The following ATP6V0A2 variants were observed in gnomAD, a reference collection of about 807,000 sequenced individuals.
ATP6V0A2 encodes the protein V-type proton ATPase 116 kDa subunit a 2.
In ATP6V0A2, 58 loss-of-function variants were observed where a neutral mutation model predicts 104.4. That is an observed-to-expected ratio of 0.56 (90% CI 0.45 to 0.69). The LOEUF (loss-of-function observed/expected upper bound fraction) is 0.69, where lower values mean the gene tolerates loss of function less well. ATP6V0A2 is among the 30% of genes least tolerant of loss of function. The pLI is 0.00. For synonymous variants in ATP6V0A2, 376 were observed against 397.9 expected (o/e 0.95, Z 0.65); for missense variants, 938 against 1,062.9 (o/e 0.88, Z 1.63).
chr12:123,721,572 G>A lies in ATP6V0A2; in HGVS notation c.197-779G>A, dbSNP rs532127128. The A allele has an allele frequency of 1.5e-5, 3 of 206,740 alleles. No homozygotes were observed. The East Asian group carries it at 3.3e-4, about 23-fold the overall frequency. 12.8% of individuals were successfully genotyped at this position (206,740 alleles called of 1,614,324 possible). A position where few individuals can be genotyped will look rare whatever the true frequency, so the allele number is the denominator to read the frequency against. On this transcript the variant is annotated intron_variant, in intron 2 of 19. Coordinates refer to ENST00000330342, the MANE Select transcript of ATP6V0A2 (RefSeq NM_012463.4). The stretch of plus-strand genomic sequence containing the variant: ...TCATCAGTTTTCTTCATGAGGATTG[G>A]CTTTGTGTCCAGAGTAGTGTCCGGC...
Position 123,743,867 on chromosome 12 carries a change from A to G in ATP6V0A2, c.1121A>G (p.Lys374Arg), listed in dbSNP as rs79134187. Residue 374 changes from lysine (K) to arginine (R), a missense_variant, in exon 10 of 20, where the codon AAA becomes AGA. By Grantham distance (26) the Lys-to-Arg change is conservative. Transcript: ENST00000330342. ...CCCCCCACTCGGATCCGCACCAACAAATTCACCGAGGGATTTCAGAACATC... is the reference window on the plus strand; with the variant it reads ...CCCCCCACTCGGATCCGCACCAACAGATTCACCGAGGGATTTCAGAACATC... ...ETPPTRIRTN[K>R]FTEGFQNIVD... is the part of the protein sequence containing the mutation. 5.9e-3 allele frequency: 9,592 copies of G among 1,614,174 alleles called. 238 individuals carry two copies. Among genetic ancestry groups the G allele is most frequent in the African/African-American group, 0.056 (4,212 of 75,032 alleles).
chr12:123,726,202 A>T lies in ATP6V0A2; in HGVS notation c.438A>T (p.Glu146Asp), dbSNP rs773668656. Residue 146 changes from glutamate (E) to aspartate (D), a missense_variant, in exon 5 of 20, where the codon GAA (glutamate) becomes GAT (aspartate). Physicochemically the swap from Glu to Asp is conservative, Grantham distance 45. Transcript: ENST00000330342. ...TTTCATATGTTTATTTCTAGTTTGA[A>T]CCCACTTATGAAGAATTCCCTTCCT... ...KTFVKRNVEF[E>D]PTYEEFPSLE... 2 of 1,609,426 alleles carry T rather than the reference A, an allele frequency of 1.2e-6. No homozygotes were observed. Among genetic ancestry groups the T allele is most frequent in the Admixed American group, 3.3e-5 (2 of 60,006 alleles).
In ATP6V0A2 at chr12:123,743,782, AAGAG is replaced by A; in HGVS notation, c.1043_1046del (p.Glu348ValfsTer9). The A allele has an allele frequency of 6.2e-7, 1 of 1,613,976 alleles. No homozygotes were observed. On this transcript the variant is annotated splice_acceptor_variant and coding_sequence_variant, in exon 10 of 20. Transcript: ENST00000330342. LOFTEE classifies it high-confidence loss of function. ...TTTTTATCTTTCCTTGTTTATGTGG[AAGAG>A]AGAGAGTGGTGCTACAATCCCCTCA...
chr12:123,737,002 G>A (rs1956560525), intron 8 of ATP6V0A2, 57 bp from the exon 9 acceptor site: 1 of 1,557,266 alleles, frequency 6.4e-7, no homozygotes, highest in Non-Finnish European at 8.9e-7. Flanking sequence ...CGGGTGCCAG[G>A]TGGACAGAAA....
intron 5 of ATP6V0A2, among the ~76,000 whole-genome samples, 179 bp downstream of exon 5, chr12:123,726,464 A>G (rs1365863582): frequency 6.6e-6 from 1 of 152,196 alleles, no homozygotes; most frequent in Non-Finnish European, 1.5e-5. Context: ...ACTCAGCTGT[A>G]TTGACTTTTT....
Position 123,737,221 on chromosome 12 carries a change from T to C in ATP6V0A2, c.988T>C (p.Cys330Arg). 1 of 1,614,118 alleles carries C rather than the reference T, an allele frequency of 6.2e-7. No homozygotes were observed. ...CAAGTGCCTCATTGCTGAGGTCTGG[T>C]GTCCCGAGGCGGATCTGCAGGACCT... ...TNKCLIAEVW[C>R]PEADLQDLRR... The change falls in exon 9 of 20, where the codon TGT (cysteine) becomes CGT (arginine). Residue 330 changes from cysteine (C) to arginine (R), a missense_variant. Physicochemically the swap from Cys to Arg is radical, Grantham distance 180. Transcript: ENST00000330342.
rs112570022 is a variant in ATP6V0A2 at position 123,744,086 on chromosome 12, T to C, written c.1190-115T>C. ...TAAGGTTTTAAATGTAACCACACAATCCTATCTTGTGAATTCTGGAGAAAG... is the reference window on the plus strand; with the variant it reads ...TAAGGTTTTAAATGTAACCACACAACCCTATCTTGTGAATTCTGGAGAAAG... On this transcript the variant is annotated intron_variant, in intron 10 of 19. Transcript: ENST00000330342. The surrounding 1 kb of genome is among the most constrained non-coding windows in gnomAD (Gnocchi z 5.4). 3,327 of 1,544,332 alleles carry C rather than the reference T, an allele frequency of 2.2e-3. 52 individuals carry two copies. In the African/African-American group the frequency reaches 0.038, roughly 18 times the overall value.
chr12:123,758,173 A>T lies in ATP6V0A2; in HGVS notation c.*141A>T. On this transcript the variant is annotated 3_prime_UTR_variant, in exon 20 of 20. Coordinates refer to ENST00000330342, the MANE Select transcript of ATP6V0A2 (RefSeq NM_012463.4). The stretch of plus-strand genomic sequence containing the variant: ...ATAGCCAAATAATTCTGTAAGATAT[A>T]CCTCTTCCTCATATGTTAAATATTT... 1 of 590,594 alleles carries T rather than the reference A, an allele frequency of 1.7e-6. No individual in the cohort carries two copies. Among genetic ancestry groups the T allele is most frequent in the Admixed American group, 3.2e-5 (1 of 31,124 alleles). 36.6% of individuals were successfully genotyped at this position (590,594 alleles called of 1,614,324 possible). A position where few individuals can be genotyped will look rare whatever the true frequency, so the allele number is the denominator to read the frequency against.
At chr12:123,716,211 C>T (rs889240383) in intron 1 of ATP6V0A2, among the ~76,000 whole-genome samples, 12 of 151,932 alleles carry the variant, frequency 7.9e-5, no homozygotes, top group East Asian at 2.0e-4. Flanking sequence ...AGATCACAGG[C>T]GCGCGCCACC....
chr12:123,754,580 G>T (rs1038002311), intron 18 of ATP6V0A2, 43 bp downstream of exon 18: 1 of 1,377,444 alleles, frequency 7.3e-7, no homozygotes, highest in African/African-American at 1.4e-5. Context: ...GCCCTGTAGT[G>T]CCAGCAGACT....
At chr12:123,743,352 G>A (rs1026676533) in intron 9 of ATP6V0A2, among the ~76,000 whole-genome samples, 3 of 152,148 alleles carry the variant, frequency 2.0e-5, no homozygotes, top group Non-Finnish European at 1.5e-5. Context: ...CACACACAGC[G>A]TTGCCAAAGC....
At chr12:123,747,918 C>G (rs1011989149) in intron 14 of ATP6V0A2, among the ~76,000 whole-genome samples, 193 bp downstream of exon 14, 1 of 151,982 alleles carries the variant, frequency 6.6e-6, no homozygotes, top group East Asian at 1.9e-4. Context: ...ATTTATCGAG[C>G]GCATAGTAGT....
chr12:123,726,778 A>G (rs1198292059), intron 5 of ATP6V0A2, among the ~76,000 whole-genome samples: 1 of 152,218 alleles, frequency 6.6e-6, no homozygotes, highest in Non-Finnish European at 1.5e-5. Flanking sequence ...GAAGGAATTC[A>G]GTGATATTTA....
rs543901904 is a variant in ATP6V0A2 at position 123,722,133 on chromosome 12, T to A, written c.197-218T>A. Reference sequence around the variant, plus strand: ...CACTAAGAAATAGAAGAGGTTGTTGTTTATTTTGTCACTGCATGCAGATCT... The same window carrying A: ...CACTAAGAAATAGAAGAGGTTGTTGATTATTTTGTCACTGCATGCAGATCT... On this transcript the variant is annotated intron_variant, in intron 2 of 19. Transcript: ENST00000330342. 3.3e-5 allele frequency among the ~76,000 whole-genome samples: 5 copies of A among 152,328 alleles called. No homozygotes were observed. The South Asian group carries it at 1.0e-3, about 32-fold the overall frequency.
intron 1 of ATP6V0A2, among the ~76,000 whole-genome samples, chr12:123,716,801 AAAG>A (rs1319366936): frequency 6.6e-6 from 1 of 152,030 alleles, no homozygotes; most frequent in Non-Finnish European, 1.5e-5. Flanking sequence ...AAAAAAAAAA[AAAG>A]AGTTTATAGA....
At chr12:123,749,298 C>T (rs1321722696) in intron 15 of ATP6V0A2, among the ~76,000 whole-genome samples, 1 of 152,136 alleles carries the variant, frequency 6.6e-6, no homozygotes, top group African/African-American at 2.4e-5. Context: ...CAAACCAAAA[C>T]CAACAAAACT....
At chr12:123,716,431 C>G (rs1566271927) in intron 1 of ATP6V0A2, among the ~76,000 whole-genome samples, 1 of 152,106 alleles carries the variant, frequency 6.6e-6, no homozygotes, top group Non-Finnish European at 1.5e-5. Context: ...TTAATATAAT[C>G]AAATACCTGG....
intron 19 of ATP6V0A2, 151 bp from the exon 20 acceptor site, chr12:123,757,776 G>T (rs1237788003): frequency 4.9e-6 from 3 of 617,984 alleles, no homozygotes; most frequent in Non-Finnish European, 8.4e-6. Flanking sequence ...GTGCGGGGCA[G>T]TGTTTAGCTA....
intron 13 of ATP6V0A2, among the ~76,000 whole-genome samples, chr12:123,745,591 A>T (rs1202181697): frequency 4.6e-5 from 7 of 152,130 alleles, no homozygotes; most frequent in South Asian, 2.1e-4. Flanking sequence ...CTGTAGTCCC[A>T]GCTACTCAGG....
Sources: gnomAD v4.1 joint callset for allele counts (sites outside exome capture counted in the v4.1 genomes callset) on GRCh38, gnomAD v4.1.1 for gene constraint, Gnocchi (gnomAD v3.1) non-coding constraint, MANE v1.5 for transcripts, NCBI Gene and HGNC (gene_info 2026-07-23, HGNC 2026-07-21) for gene names.